The following SV2B variants were observed in gnomAD, a reference collection of about 807,000 sequenced individuals.
The protein encoded by SV2B is solute carrier family 22 member B2.
A neutral mutation model predicts 73.9 loss-of-function variants in SV2B; 41 were observed. The ratio of observed to expected loss-of-function variants is 0.56; its 90% CI spans 0.43 to 0.72. The LOEUF (loss-of-function observed/expected upper bound fraction) is 0.72, where lower values mean the gene tolerates loss of function less well. Among genes scored for constraint, SV2B ranks in the 30% least tolerant of loss-of-function variants. SV2B has a pLI of 0.00. For synonymous variants in SV2B, 314 were observed against 314.2 expected (o/e 1.00, Z 0.01); for missense variants, 764 against 857.8 (o/e 0.89, Z 1.37).
At chr15:91,222,456 CATT>C (rs1326476782) in intron 1 of SV2B, among the ~76,000 whole-genome samples, 2 of 152,294 alleles carry the variant, frequency 1.3e-5, no homozygotes, top group East Asian at 3.9e-4. Flanking sequence ...CTAACTCTCT[CATT>C]AGGGGTAGAT....
intron 1 of SV2B, among the ~76,000 whole-genome samples, chr15:91,212,642 G>A (rs532784308): frequency 6.6e-6 from 1 of 152,152 alleles, no homozygotes; most frequent in South Asian, 2.1e-4. Flanking sequence ...GAATTGTAGA[G>A]GGATGTTCTG....
Position 91,267,725 on chromosome 15 carries a change from G to T in SV2B, c.1208+82G>T. On this transcript the variant is annotated intron_variant, in intron 8 of 12. Coordinates refer to ENST00000394232, the MANE Select transcript of SV2B (RefSeq NM_001323032.3). The surrounding 1 kb of genome is among the most constrained non-coding windows in gnomAD (Gnocchi z 4.3). Reference sequence around the variant, plus strand: ...CACATTGAGGATTACAGTGAGTTCTGACTTAGAATTTGTATCAGGTAGGAT... The same window carrying T: ...CACATTGAGGATTACAGTGAGTTCTTACTTAGAATTTGTATCAGGTAGGAT... 1.7e-6 allele frequency: 2 copies of T among 1,161,850 alleles called. No homozygotes were observed. The highest frequency in any genetic ancestry group is 2.6e-5 in the South Asian group (2 of 76,526). 72.0% of individuals were successfully genotyped at this position (1,161,850 alleles called of 1,614,324 possible). A position where few individuals can be genotyped will look rare whatever the true frequency, so the allele number is the denominator to read the frequency against.
intron 2 of SV2B, 35 bp from the exon 3 acceptor site, chr15:91,251,783 TC>T: frequency 6.3e-7 from 1 of 1,592,746 alleles, no homozygotes; most frequent in Non-Finnish European, 8.6e-7. Context: ...TTTTGTCTTT[TC>T]TCTCTATTCT....
rs984880767 is a variant in SV2B at position 91,281,553 on chromosome 15, C to G, written c.1374-175C>G. On this transcript the variant is annotated intron_variant, in intron 9 of 12. Transcript: ENST00000394232. The surrounding 1 kb of genome is among the most constrained non-coding windows in gnomAD (Gnocchi z 4.7). ...ACACTGGCTTCCAGGTCCTGAAGCC[C>G]TTCCCCACTAATAAACAAACAGCTA... Among the ~76,000 whole-genome samples, 3 of 152,236 alleles carry G rather than the reference C, an allele frequency of 2.0e-5. No homozygotes were observed. The highest frequency in any genetic ancestry group is 4.4e-5 in the Non-Finnish European group (3 of 68,046).
chr15:91,285,082 C>A (rs1434610339), intron 11 of SV2B, among the ~76,000 whole-genome samples: 1 of 152,140 alleles, frequency 6.6e-6, no homozygotes, highest in Non-Finnish European at 1.5e-5. Flanking sequence ...TTCCTAGCAG[C>A]AACGTGCAAA....
intron 1 of SV2B, among the ~76,000 whole-genome samples, chr15:91,163,009 C>CA (rs2043779528): frequency 6.6e-6 from 1 of 151,674 alleles, no homozygotes; most frequent in Non-Finnish European, 1.5e-5. Flanking sequence ...TGAGAACATG[C>CA]GGTGTTTGGT....
intron 1 of SV2B, among the ~76,000 whole-genome samples, chr15:91,145,940 C>A (rs1596474122): frequency 1.3e-5 from 2 of 152,110 alleles, no homozygotes; most frequent in East Asian, 3.8e-4. Flanking sequence ...GTTGTCTGTT[C>A]ATTCTGTTGA....
chr15:91,253,337 T>A lies in SV2B; in HGVS notation c.784+817T>A, dbSNP rs2047563061. On this transcript the variant is annotated intron_variant, in intron 4 of 12. Transcript: ENST00000394232. The surrounding 1 kb of genome is among the most constrained non-coding windows in gnomAD (Gnocchi z 5.0). ...AGACCCCGAGGGGGTAGCAGACAGC[T>A]GCCCCTGAAGCTGACTGATAGTTTA... is the stretch of plus-strand genomic sequence containing the variant. Among the ~76,000 whole-genome samples, 1 of 152,224 alleles carries A rather than the reference T, an allele frequency of 6.6e-6. No individual in the cohort carries two copies. The highest frequency in any genetic ancestry group is 2.1e-4 in the South Asian group (1 of 4,824).
Position 91,295,316 on chromosome 15 carries a change from T to A in SV2B, c.*2764T>A, listed in dbSNP as rs1401214980. The A allele has an allele frequency of 3.9e-5, 6 of 152,148 alleles. No homozygotes were observed. Among genetic ancestry groups the A allele is most frequent in the Non-Finnish European group, 7.3e-5 (5 of 68,034 alleles). 9.4% of individuals were successfully genotyped at this position (152,148 alleles called of 1,614,324 possible). Reference sequence around the variant, plus strand: ...GCCTATCTGTGAAGTTTGTAGTACATCATCCTGAGGTCATGTAACAAGTAA... The same window carrying A: ...GCCTATCTGTGAAGTTTGTAGTACAACATCCTGAGGTCATGTAACAAGTAA... On this transcript the variant is annotated 3_prime_UTR_variant, in exon 13 of 13. Coordinates refer to ENST00000394232, the MANE Select transcript of SV2B (RefSeq NM_001323032.3).
rs148600928 is a variant in SV2B, at chr15:91,268,478, C to T, written c.1246C>T (p.Arg416Cys). Residue 416 changes from arginine to cysteine, a missense_variant, in exon 9 of 13, where the codon CGC becomes TGC. By Grantham distance (180) the Arg-to-Cys change is radical. Transcript: ENST00000394232. This position sits in a 1 kb window ranked among gnomAD's most constrained non-coding sequence, Gnocchi z 4.4. ...GACAGTTTGGTTTCCTGATATGATC[C>T]GCTATTTTCAAGATGAAGAATACAA... ...GLTVWFPDMIRYFQDEEYKSK... is the reference protein window; with the variant it reads ...GLTVWFPDMICYFQDEEYKSK... The T allele has an allele frequency of 5.6e-5, 90 of 1,613,816 alleles. No individual in the cohort carries two copies. Among genetic ancestry groups the T allele is most frequent in the Admixed American group, 1.8e-4 (11 of 59,988 alleles).
At chr15:91,125,781 C>CAAAAAAAAAAAAA (rs200016125) in intron 1 of SV2B, among the ~76,000 whole-genome samples, 20 of 57,060 alleles carry the variant, frequency 3.5e-4, no homozygotes, top group African/African-American at 7.7e-4. Context: ...TCTCAAGGGG[C>CAAAAAAAAAAAAA]AAAAAAAAAA....
chr15:91,289,245 G>A lies in SV2B; in HGVS notation c.1709-276G>A, dbSNP rs77105922. ...CAAATGCCCCTATCTGCCCCGTCCC[G>A]TCACTCTGAGCTGGGCACCACCTTA... On this transcript the variant is annotated intron_variant, in intron 11 of 12. Coordinates refer to ENST00000394232, the MANE Select transcript of SV2B (RefSeq NM_001323032.3). This position sits in a 1 kb window ranked among gnomAD's most constrained non-coding sequence, Gnocchi z 4.9. 7.4e-3 allele frequency among the ~76,000 whole-genome samples: 1,133 copies of A among 152,220 alleles called. 10 individuals are homozygous for A. Among genetic ancestry groups the A allele is most frequent in the African/African-American group, 0.026 (1,074 of 41,522 alleles).
chr15:91,164,847 C>G (rs2043853146), intron 1 of SV2B, among the ~76,000 whole-genome samples: 1 of 152,192 alleles, frequency 6.6e-6, no homozygotes, highest in African/African-American at 2.4e-5. Flanking sequence ...CAAGACCATT[C>G]AGGGGCACGC....
intron 6 of SV2B, among the ~76,000 whole-genome samples, chr15:91,262,209 C>G (rs1257099814): frequency 6.6e-6 from 1 of 152,106 alleles, no homozygotes; most frequent in Non-Finnish European, 1.5e-5. Context: ...GAGGGATAAT[C>G]ATATCTATAT....
Position 91,136,743 on chromosome 15 carries a change from G to C in SV2B, c.-392+36380G>C, listed in dbSNP as rs181874924. 6.6e-6 allele frequency among the ~76,000 whole-genome samples: 1 copy of C among 152,214 alleles called. No individual in the cohort carries two copies. Among genetic ancestry groups the C allele is most frequent in the African/African-American group, 2.4e-5 (1 of 41,542 alleles). The stretch of plus-strand genomic sequence containing the variant: ...GCTTCCTTCCCTCAGGGAGGAGGGG[G>C]TGGTGACAGCCGGGTTGACCAGCTC... On this transcript the variant is annotated intron_variant, in intron 1 of 12. Transcript: ENST00000394232. This position sits in a 1 kb window ranked among gnomAD's most constrained non-coding sequence, Gnocchi z 5.6.
In SV2B at chr15:91,130,942, A is replaced by T. The variant is rs1185653530; in HGVS notation, c.-392+30579A>T. On this transcript the variant is annotated intron_variant, in intron 1 of 12. Coordinates refer to ENST00000394232, the MANE Select transcript of SV2B (RefSeq NM_001323032.3). The surrounding 1 kb of genome is among the most constrained non-coding windows in gnomAD (Gnocchi z 5.6). ...AAGGAGGAGATGGTTGATGGATCCA[A>T]GTTCAGGAACACATGGGAGGGTGTG... Among the ~76,000 whole-genome samples the T allele has an allele frequency of 6.6e-6, 1 of 152,020 alleles. No homozygotes were observed. The highest frequency in any genetic ancestry group is 1.5e-5 in the Non-Finnish European group (1 of 67,992).
At chr15:91,117,198 G>T (rs1481740233) in intron 1 of SV2B, among the ~76,000 whole-genome samples, 3 of 152,174 alleles carry the variant, frequency 2.0e-5, no homozygotes, top group Non-Finnish European at 4.4e-5. Flanking sequence ...GAGCTAGATT[G>T]CTGGGATTGA....
Position 91,141,354 on chromosome 15 carries a change from G to T in SV2B, c.-392+40991G>T, listed in dbSNP as rs1188622384. 6.6e-6 allele frequency among the ~76,000 whole-genome samples: 1 copy of T among 152,172 alleles called. No individual in the cohort carries two copies. The highest frequency in any genetic ancestry group is 1.5e-5 in the Non-Finnish European group (1 of 68,032). Reference sequence around the variant, plus strand: ...AGGGTGTCTTGCAGAACAGGGCCTTGCTCTTCTTCAGGAAGACTTGGAGTT... The same window carrying T: ...AGGGTGTCTTGCAGAACAGGGCCTTTCTCTTCTTCAGGAAGACTTGGAGTT... On this transcript the variant is annotated intron_variant, in intron 1 of 12. Transcript: ENST00000394232. The surrounding 1 kb of genome is among the most constrained non-coding windows in gnomAD (Gnocchi z 4.6).
chr15:91,154,978 G>T (rs2043439377), intron 1 of SV2B, among the ~76,000 whole-genome samples: 1 of 152,152 alleles, frequency 6.6e-6, no homozygotes, highest in African/African-American at 2.4e-5. Context: ...CAGTAAACGA[G>T]TGGACTGAGG....
Sources: gnomAD v4.1 joint callset for allele counts (sites outside exome capture counted in the v4.1 genomes callset) on GRCh38, gnomAD v4.1.1 for gene constraint, Gnocchi (gnomAD v3.1) non-coding constraint, MANE v1.5 for transcripts, NCBI Gene and HGNC (gene_info 2026-07-23, HGNC 2026-07-21) for gene names.